OCM: variants seen among roughly 807,000 people sequenced by gnomAD.
OCM encodes the protein oncomodulin.
In OCM, 18 loss-of-function variants were observed where a neutral mutation model predicts 14.1. That is an observed-to-expected ratio of 1.28 (90% CI 0.88 to 1.89). The LOEUF is 1.89. OCM is among the 40% of genes most tolerant of loss of function. The probability of loss-of-function intolerance (pLI) is 0.00; values close to 1 mark genes in which losing one functional copy is unlikely to be tolerated. For missense variants in OCM, 140 were observed against 137.6 expected (o/e 1.02, Z -0.09); for synonymous variants, 48 against 51.0 (o/e 0.94, Z 0.25).
At chr7:5,873,044 C>G in the OCM span, among the ~76,000 whole-genome samples, 1 of 151,746 alleles carries the variant, frequency 6.6e-6, no homozygotes, top group Non-Finnish European at 1.5e-5. Context: ...CTCCAGCTTG[C>G]ATGACAGAGC....
the OCM span, among the ~76,000 whole-genome samples, chr7:5,861,806 TG>T: frequency 6.6e-6 from 1 of 152,196 alleles, no homozygotes; most frequent in South Asian, 2.1e-4. Flanking sequence ...CTCAAACCCC[TG>T]GGCTCAAGTG....
chr7:5,872,444 G>C, the OCM span, among the ~76,000 whole-genome samples: 1,172 of 152,236 alleles, frequency 7.7e-3, 30 homozygotes, highest in African/African-American at 0.027. Flanking sequence ...TTGTAGAGAA[G>C]TATCTCATTT....
chr7:5,879,771 AGAG>A (rs1329491907), upstream of OCM: 1 of 145,410 alleles, frequency 6.9e-6, no homozygotes, highest in Non-Finnish European at 1.5e-5. Context: ...AAAAAAAAAA[AGAG>A]GTTTCATGAG....
the OCM span, among the ~76,000 whole-genome samples, chr7:5,864,195 C>A: frequency 4.0e-5 from 6 of 151,470 alleles, no homozygotes; most frequent in African/African-American, 1.5e-4. Context: ...AAGCATTAGC[C>A]AGGCATGGTG....
chr7:5,859,977 C>G, the OCM span, among the ~76,000 whole-genome samples: 1 of 152,006 alleles, frequency 6.6e-6, no homozygotes, highest in East Asian at 1.9e-4. Context: ...TGTGAGCCAC[C>G]GCGCCCAGCC....
At chr7:5,872,280 C>G in the OCM span, among the ~76,000 whole-genome samples, 16 of 152,162 alleles carry the variant, frequency 1.1e-4, no homozygotes, top group Non-Finnish European at 1.8e-4. Flanking sequence ...GGGAAACACA[C>G]AAGCTGTCCT....
chr7:5,882,655 C>G (rs1781243233), intron 2 of OCM, 30 bp downstream of exon 2: 6 of 1,612,548 alleles, frequency 3.7e-6, no homozygotes, highest in Non-Finnish European at 5.1e-6. Flanking sequence ...TGTCTGGTAC[C>G]CGGCACTGCT....
the OCM span, among the ~76,000 whole-genome samples, chr7:5,873,358 CAA>C: frequency 2.0e-5 from 3 of 152,100 alleles, no homozygotes; most frequent in East Asian, 1.9e-4. Context: ...GACTGGGCAA[CAA>C]GAGCAAAACT....
chr7:5,867,910 A>G, the OCM span, among the ~76,000 whole-genome samples: 1 of 151,458 alleles, frequency 6.6e-6, no homozygotes, highest in Non-Finnish European at 1.5e-5. Context: ...TACTTTTTAA[A>G]ATTTTTTTGT....
chr7:5,870,364 C>T, the OCM span, among the ~76,000 whole-genome samples: 1 of 152,208 alleles, frequency 6.6e-6, no homozygotes, highest in Non-Finnish European at 1.5e-5. Flanking sequence ...CTCCCTGCCT[C>T]AGCCTCCCAA....
upstream of OCM, among the ~76,000 whole-genome samples, chr7:5,879,300 T>C (rs1373915051): frequency 6.6e-6 from 1 of 152,156 alleles, no homozygotes; most frequent in Non-Finnish European, 1.5e-5. Flanking sequence ...TGGTTTGATT[T>C]CCTCCTTTTT....
chr7:5,873,536 G>T, the OCM span, among the ~76,000 whole-genome samples: 2 of 152,012 alleles, frequency 1.3e-5, no homozygotes, highest in South Asian at 2.1e-4. Context: ...GTAGAGATGG[G>T]TTCTTGCCAT....
chr7:5,882,844 T>A (rs1407748517), intron 2 of OCM, among the ~76,000 whole-genome samples: 12 of 146,492 alleles, frequency 8.2e-5, no homozygotes, highest in African/African-American at 3.0e-4. Context: ...AAGATTCTTT[T>A]TTTTTTTTTT....
At chr7:5,866,385 GAA>G in the OCM span, among the ~76,000 whole-genome samples, 1 of 53,360 alleles carries the variant, frequency 1.9e-5, no homozygotes, top group Non-Finnish European at 3.0e-5. Flanking sequence ...AGGAAAGGAG[GAA>G]GAGAGGAAGG....
the OCM span, among the ~76,000 whole-genome samples, chr7:5,859,979 C>T: frequency 6.6e-6 from 1 of 152,058 alleles, no homozygotes; most frequent in Non-Finnish European, 1.5e-5. Context: ...TGAGCCACCG[C>T]GCCCAGCCAG....
At chr7:5,871,492 T>C in the OCM span, among the ~76,000 whole-genome samples, 2 of 152,162 alleles carry the variant, frequency 1.3e-5, no homozygotes, top group African/African-American at 4.8e-5. Flanking sequence ...TGACCTGGGA[T>C]ATCTCTCCCT....
chr7:5,868,646 AT>A, the OCM span, among the ~76,000 whole-genome samples: 1 of 152,156 alleles, frequency 6.6e-6, no homozygotes, highest in African/African-American at 2.4e-5. Flanking sequence ...CTCCTGCAGC[AT>A]TTCAATAAGA....
intron 3 of OCM, among the ~76,000 whole-genome samples, chr7:5,885,525 A>G (rs2881189): frequency 0.17 from 26,373 of 152,110 alleles, 2,565 homozygotes; most frequent in East Asian, 0.48. Flanking sequence ...ATGTTTGTTA[A>G]ATAAGATTAT....
chr7:5,883,388 C>A (rs1781261007), intron 2 of OCM, among the ~76,000 whole-genome samples: 1 of 151,690 alleles, frequency 6.6e-6, no homozygotes, highest in African/African-American at 2.4e-5. Flanking sequence ...ACACTAAAAA[C>A]TTAAAAATGG....
Sources: allele counts gnomAD v4.1 joint callset (sites outside exome capture counted in the v4.1 genomes callset), GRCh38; gene constraint gnomAD v4.1.1; transcripts MANE v1.5; gene names NCBI Gene and HGNC (gene_info 2026-07-23, HGNC 2026-07-21).